The following CCDC28A variants were observed in gnomAD, a reference collection of about 807,000 sequenced individuals.
CCDC28A encodes coiled-coil domain-containing protein 28A.
In CCDC28A, 24 loss-of-function variants were observed where a neutral mutation model predicts 22.1. That is an observed-to-expected ratio of 1.09 (90% CI 0.79 to 1.53). CCDC28A has a LOEUF of 1.53. Among genes scored for constraint, CCDC28A ranks in the 40% most tolerant of loss-of-function variants. The probability of loss-of-function intolerance (pLI) is 0.00; values close to 1 mark genes in which losing one functional copy is unlikely to be tolerated. For synonymous variants in CCDC28A, 83 were observed against 74.7 expected, an observed-to-expected ratio of 1.11 and a Z score of -0.57; for missense variants, 170 against 210.7, an observed-to-expected ratio of 0.81 and a Z score of 1.20.
At chr6:138,778,483 G>A (rs544949052) in intron 2 of CCDC28A, among the ~76,000 whole-genome samples, 16 of 152,120 alleles carry the variant, frequency 1.1e-4, no homozygotes, top group Non-Finnish European at 2.4e-4. Flanking sequence ...TGAGAGCCTG[G>A]TATATGCCAG....
At chr6:138,791,883 C>T (rs1775175683) in intron 5 of CCDC28A, among the ~76,000 whole-genome samples, 1 of 152,198 alleles carries the variant, frequency 6.6e-6, no homozygotes, top group South Asian at 2.1e-4. Flanking sequence ...CATACATGTA[C>T]TGCAAGCATT....
intron 1 of CCDC28A, among the ~76,000 whole-genome samples, chr6:138,775,020 A>G (rs981059418): frequency 6.6e-6 from 1 of 152,232 alleles, no homozygotes; most frequent in Non-Finnish European, 1.5e-5. Context: ...GCTCAGGGCA[A>G]GCTCCGCCTC....
chr6:138,792,763 T>A lies in CCDC28A; in HGVS notation c.515T>A (p.Leu172Ter). 1.2e-6 allele frequency: 2 copies of A among 1,607,080 alleles called. No individual in the cohort carries two copies. Among genetic ancestry groups the A allele is most frequent in the Non-Finnish European group, 1.7e-6 (2 of 1,176,098 alleles). The change falls in exon 6 of 6, where the codon TTG becomes TAG. Residue 172 changes from leucine (L) to a stop codon, truncating the protein, a stop_gained. Coordinates refer to ENST00000617445, the MANE Select transcript of CCDC28A (RefSeq NM_015439.3). LOFTEE classifies it high-confidence loss of function. ...GATTAATTCAGACAAAAACTCCATT[T>A]GGCAGATGCACAAGATGTTCCAAAT... The part of the protein sequence containing the change: ...ELNSSIQKLH[L>*]ADAQDVPNTS...
chr6:138,782,719 T>C (rs557566727), intron 3 of CCDC28A, among the ~76,000 whole-genome samples: 65 of 152,324 alleles, frequency 4.3e-4, no homozygotes, highest in African/African-American at 1.4e-3. Flanking sequence ...AGAGGAAATA[T>C]GACATATTTT....
intron 3 of CCDC28A, 132 bp downstream of exon 3, chr6:138,780,117 A>G (rs1583521269): frequency 3.3e-6 from 2 of 607,472 alleles, no homozygotes; most frequent in Non-Finnish European, 5.1e-6. Context: ...CATAAAGGCA[A>G]TCATCCTAGA....
At chr6:138,790,308 G>A (rs774192811) in intron 5 of CCDC28A, among the ~76,000 whole-genome samples, 32 of 151,942 alleles carry the variant, frequency 2.1e-4, no homozygotes, top group Non-Finnish European at 4.4e-4. Flanking sequence ...CTGTCACCAC[G>A]TCCAGCTAAT....
intron 3 of CCDC28A, among the ~76,000 whole-genome samples, chr6:138,783,268 C>CTT (rs36017020): frequency 4.2e-4 from 48 of 113,612 alleles, no homozygotes; most frequent in Non-Finnish European, 5.3e-4. Context: ...CGTTATTGAA[C>CTT]TTTTTTTTTT....
intron 5 of CCDC28A, among the ~76,000 whole-genome samples, chr6:138,791,034 A>T (rs1476065274): frequency 1.3e-5 from 2 of 152,184 alleles, no homozygotes; most frequent in Non-Finnish European, 2.9e-5. Context: ...AAAAGAACAT[A>T]AAATATCTCA....
intron 5 of CCDC28A, among the ~76,000 whole-genome samples, 180 bp downstream of exon 5, chr6:138,788,568 CTTTTTTTTTTTT>C (rs3070099): frequency 0.36 from 33,531 of 93,550 alleles, 5,372 homozygotes; most frequent in East Asian, 0.68. Flanking sequence ...TTTTTCTTTT[CTTTTTTTTTTTT>C]TTTTTTTTTT....
intron 3 of CCDC28A, 52 bp downstream of exon 3, chr6:138,780,037 TG>T (rs758254654): frequency 4.5e-5 from 61 of 1,351,110 alleles, no homozygotes; most frequent in Non-Finnish European, 5.6e-5. Flanking sequence ...GTTTGCATCC[TG>T]TTTTCTGTGT....
At position 138,791,581 on chromosome 6, in the gene CCDC28A, C is replaced by T. The variant is rs148751042; in HGVS notation, c.501-1168C>T. Among the ~76,000 whole-genome samples the T allele has an allele frequency of 1.8e-3, 277 of 152,080 alleles. 1 individual carries two copies. The highest frequency in any genetic ancestry group is 0.014 in the Admixed American group (208 of 15,262). ...GTTGTATTTTTCATTCTTTTTCATT[C>T]CCCTCAGGCTGGTTTTCTGGATGCC... is the stretch of plus-strand genomic sequence containing the variant. On this transcript the variant is annotated intron_variant, in intron 5 of 5. Transcript: ENST00000617445.
Position 138,773,803 on chromosome 6 carries a change from G to A in CCDC28A, c.-142G>A. 2.5e-6 allele frequency: 4 copies of A among 1,614,010 alleles called. No individual in the cohort carries two copies. On this transcript the variant is annotated 5_prime_UTR_variant, in exon 1 of 6. Transcript: ENST00000617445. ...CGGAGCTGCGGAGGAGCGGGTCCCG[G>A]GATGTGACCGGGGCTCTGCTTGTGG...
chr6:138,782,833 G>C (rs916922619), intron 3 of CCDC28A, among the ~76,000 whole-genome samples: 2 of 152,122 alleles, frequency 1.3e-5, no homozygotes, highest in African/African-American at 4.8e-5. Flanking sequence ...TATAAAGCTG[G>C]CTAGAGGAAA....
chr6:138,791,509 A>G (rs72985065), intron 5 of CCDC28A, among the ~76,000 whole-genome samples: 12,874 of 152,138 alleles, frequency 0.085, 1,002 homozygotes, highest in African/African-American at 0.2. Context: ...CATGTCAACT[A>G]TTTTAAAGGT....
chr6:138,791,384 C>T (rs1465355136), intron 5 of CCDC28A, among the ~76,000 whole-genome samples: 1 of 152,042 alleles, frequency 6.6e-6, no homozygotes, highest in Non-Finnish European at 1.5e-5. Flanking sequence ...GCCCAGCCTG[C>T]GTTGTATTTC....
chr6:138,785,645 A>G (rs1443048297), intron 4 of CCDC28A, among the ~76,000 whole-genome samples: 2 of 152,158 alleles, frequency 1.3e-5, no homozygotes, highest in Non-Finnish European at 1.5e-5. Context: ...TATCAGTGGA[A>G]TTATGCAGTA....
rs566636721 is a variant in CCDC28A at position 138,790,018 on chromosome 6, G to A, written c.500+1630G>A. Among the ~76,000 whole-genome samples the A allele has an allele frequency of 3.4e-4, 52 of 152,334 alleles. 1 individual carries two copies. In the South Asian group the frequency reaches 9.5e-3, roughly 28 times the overall value. On this transcript the variant is annotated intron_variant, in intron 5 of 5. Transcript: ENST00000617445. Reference sequence around the variant, plus strand: ...AGATTAAGATATTATTGTCAAGAAAGAGTTAAAGAAGGGGGTAAGACTTGA... The same window carrying A: ...AGATTAAGATATTATTGTCAAGAAAAAGTTAAAGAAGGGGGTAAGACTTGA...
intron 3 of CCDC28A, among the ~76,000 whole-genome samples, chr6:138,781,934 T>C (rs1775027984): frequency 6.6e-6 from 1 of 152,256 alleles, no homozygotes; most frequent in South Asian, 2.1e-4. Flanking sequence ...TTTCCAGTCT[T>C]GGTTATGCTA....
At chr6:138,776,022 T>G in intron 1 of CCDC28A, 57 bp from the exon 2 acceptor site, 1 of 1,417,598 alleles carries the variant, frequency 7.1e-7, no homozygotes, top group Non-Finnish European at 9.9e-7. Flanking sequence ...GTCTTTGAAT[T>G]TCTTTCATGT....
Sources: allele counts gnomAD v4.1 joint callset (sites outside exome capture counted in the v4.1 genomes callset), GRCh38; gene constraint gnomAD v4.1.1; transcripts MANE v1.5; gene names NCBI Gene and HGNC (gene_info 2026-07-23, HGNC 2026-07-21).